The following TRIM10 variants were observed in gnomAD, a reference collection of about 807,000 sequenced individuals.
The protein encoded by TRIM10 is tripartite motif containing 10.
TRIM10 carries 42 observed loss-of-function variants against 40.0 expected under a neutral mutation model. The ratio of observed to expected loss-of-function variants is 1.05; its 90% CI spans 0.82 to 1.36. The LOEUF (loss-of-function observed/expected upper bound fraction) is 1.36. Among genes scored for constraint, TRIM10 ranks in the 40% most tolerant of loss-of-function variants. The pLI, the probability that TRIM10 is intolerant of heterozygous loss-of-function variation, is 0.00. For synonymous variants in TRIM10, 260 were observed against 239.5 expected (o/e 1.09, Z -0.79); for missense variants, 601 against 608.3 (o/e 0.99, Z 0.13).
At position 30,154,260 on chromosome 6, in the gene TRIM10, G is replaced by A. The variant is rs748006872; in HGVS notation, c.1155C>T (p.Ser385=). 11 of 1,612,794 alleles carry A rather than the reference G, an allele frequency of 6.8e-6. No homozygotes were observed. The highest frequency in any genetic ancestry group is 2.2e-5 in the East Asian group (1 of 44,886). ...HGGSCTVGVV[S]EDVQRKGELR... ...GCTCCCCCTTCCGCTGCACATCCTC[G>A]CTCACCACGCCCACGGTGCAGCTGC... Residue 385 remains serine, a synonymous_variant, in exon 7 of 7, where the codon AGC becomes AGT. Coordinates refer to ENST00000449742, the MANE Select transcript of TRIM10 (RefSeq NM_006778.4).
upstream of TRIM10, among the ~76,000 whole-genome samples, chr6:30,162,393 T>G (rs1773190010): frequency 6.7e-6 from 1 of 149,880 alleles, no homozygotes; most frequent in South Asian, 2.1e-4. Context: ...CAGTGCTCAG[T>G]AGACACATGT....
rs780802203 is a variant in TRIM10 at position 30,158,615 on chromosome 6, G to T, written c.540C>A (p.Thr180=). The change falls in exon 3 of 7, where the codon ACC becomes ACA. Residue 180 remains threonine, a synonymous_variant. Coordinates refer to ENST00000449742, the MANE Select transcript of TRIM10 (RefSeq NM_006778.4). The part of the protein sequence containing the change: ...RMQVLLTQVS[T]KRQQVISEFA... Reference sequence around the variant, plus strand: ...ACTCAGAAATCACCTGTTGTCTCTTGGTGGACACCTGAGTCTGAGGGGGCA... The same window carrying T: ...ACTCAGAAATCACCTGTTGTCTCTTTGTGGACACCTGAGTCTGAGGGGGCA... The T allele has an allele frequency of 8.7e-6, 14 of 1,612,904 alleles. No individual in the cohort carries two copies. The highest frequency in any genetic ancestry group is 1.3e-5 in the African/African-American group (1 of 74,900).
At chr6:30,163,572 T>TCTCTCTCTGTGTCTCTC (rs561051318), upstream of TRIM10, 1 of 1,281,442 alleles carries the variant, frequency 7.8e-7, no homozygotes, top group Non-Finnish European at 1.1e-6. Context: ...CTCTGTCTCT[T>TCTCTCTCTGTGTCTCTC]AGCCTTGCAG....
chr6:30,151,956 G>A lies in TRIM10; in HGVS notation c.*2013C>T, dbSNP rs185542680. On this transcript the variant is annotated 3_prime_UTR_variant, in exon 7 of 7. Coordinates refer to ENST00000449742, the MANE Select transcript of TRIM10 (RefSeq NM_006778.4). ...GACCAACATGAGTGTTTTCACTTAT[G>A]AGCAGTTTTATTTCTCAGTGTAAGA... 3.3e-5 allele frequency: 5 copies of A among 152,306 alleles called. No individual in the cohort carries two copies. Among genetic ancestry groups the A allele is most frequent in the East Asian group, 3.9e-4 (2 of 5,192 alleles). 9.4% of individuals were successfully genotyped at this position (152,306 alleles called of 1,614,324 possible).
chr6:30,157,135 G>T, intron 4 of TRIM10, 81 bp from the exon 5 acceptor site: 1 of 1,371,572 alleles, frequency 7.3e-7, no homozygotes, highest in Non-Finnish European at 1.0e-6. Context: ...CTTCTAATAG[G>T]GCATGATGGC....
At chr6:30,156,842 G>A in intron 5 of TRIM10, 97 bp downstream of exon 5, 1 of 1,081,720 alleles carries the variant, frequency 9.2e-7, no homozygotes, top group Non-Finnish European at 1.4e-6. Flanking sequence ...AATAAGGCTT[G>A]CCAAAGTCAC....
intron 5 of TRIM10, 192 bp downstream of exon 5, chr6:30,156,746 CT>C: frequency 1.4e-6 from 1 of 692,528 alleles, no homozygotes; most frequent in Non-Finnish European, 2.6e-6. Flanking sequence ...AAATATTCAC[CT>C]TTATTCTCTT....
Position 30,153,346 on chromosome 6 carries a change from C to A in TRIM10, c.*623G>T. 3.7e-6 allele frequency: 1 copy of A among 267,358 alleles called. No individual in the cohort carries two copies. Among genetic ancestry groups the A allele is most frequent in the Non-Finnish European group, 7.1e-6 (1 of 140,104 alleles). The allele number at this position is 267,358 out of a possible 1,614,324, so 16.6% of individuals were successfully genotyped here. On this transcript the variant is annotated 3_prime_UTR_variant, in exon 7 of 7. Coordinates refer to ENST00000449742, the MANE Select transcript of TRIM10 (RefSeq NM_006778.4). ...CTCTCCTTCCAGGCTGGGCTATGCC[C>A]CTTCCCCTGAACTCCCATAATGCTG...
At chr6:30,162,169 G>T (rs757804868), upstream of TRIM10, among the ~76,000 whole-genome samples, 1 of 151,808 alleles carries the variant, frequency 6.6e-6, no homozygotes. Flanking sequence ...CCAGCTACTC[G>T]GGAGGCTGAG....
chr6:30,161,136 C>T lies in TRIM10; in HGVS notation c.-278G>A, dbSNP rs1446157890. 6.6e-6 allele frequency among the ~76,000 whole-genome samples: 1 copy of T among 152,134 alleles called. No individual in the cohort carries two copies. The highest frequency in any genetic ancestry group is 1.5e-5 in the Non-Finnish European group (1 of 68,028). On this transcript the variant is annotated 5_prime_UTR_variant, in exon 1 of 7. It introduces an in-frame stop codon into an upstream open reading frame of the 5' UTR. Coordinates refer to ENST00000449742, the MANE Select transcript of TRIM10 (RefSeq NM_006778.4). ...TTAGATGACCATAACCAGGGGCTGG[C>T]CATTCCTTTCTGCCCATCCAGAGAC...
At position 30,154,270 on chromosome 6, in the gene TRIM10, C is replaced by A. The variant is rs1459363289; in HGVS notation, c.1145G>T (p.Gly382Val). The change falls in exon 7 of 7, where the codon GGC (glycine) becomes GTC (valine). Residue 382 changes from glycine (G) to valine (V), a missense_variant. Physicochemically the swap from Gly to Val is moderately radical, Grantham distance 109. Transcript: ENST00000449742. ...CCGCTGCACATCCTCGCTCACCACG[C>A]CCACGGTGCAGCTGCCCCCATGGGC... ...DLAHGGSCTVGVVSEDVQRKG... is the reference protein window; with the variant it reads ...DLAHGGSCTVVVVSEDVQRKG... The A allele has an allele frequency of 5.0e-6, 8 of 1,612,824 alleles. No homozygotes were observed. Among genetic ancestry groups the A allele is most frequent in the South Asian group, 4.4e-5 (4 of 91,078 alleles).
At position 30,158,433 on chromosome 6, in the gene TRIM10, T is replaced by C; in HGVS notation, c.722A>G (p.Glu241Gly). The change falls in exon 3 of 7, where the codon GAG (glutamate) becomes GGG (glycine). Residue 241 changes from glutamate (E) to glycine (G), a missense_variant. By Grantham distance (98) the Glu-to-Gly change is moderately conservative (BLOSUM62 -2). Coordinates refer to ENST00000449742, the MANE Select transcript of TRIM10 (RefSeq NM_006778.4). ...RFSALIEELE[E>G]KNERPARELL... The stretch of plus-strand genomic sequence containing the variant: ...CTCCCTTGCTGGCCTCTCATTCTTC[T>C]CCTCCAGTTCTTCAATAAGAGCACT... 1 of 1,613,000 alleles carries C rather than the reference T, an allele frequency of 6.2e-7. No individual in the cohort carries two copies. The highest frequency in any genetic ancestry group is 8.5e-7 in the Non-Finnish European group (1 of 1,180,010).
At chr6:30,162,705 CTTTGGAAAGTCACTTTACA>C (rs1773219311), upstream of TRIM10, among the ~76,000 whole-genome samples, 1 of 152,056 alleles carries the variant, frequency 6.6e-6, no homozygotes, top group Non-Finnish European at 1.5e-5. Flanking sequence ...GCTTTGTGAC[CTTTGGAAAGTCACTTTACA>C]TTTGGAAAGT....
upstream of TRIM10, among the ~76,000 whole-genome samples, chr6:30,161,466 T>C (rs1313121219): frequency 6.6e-6 from 1 of 152,164 alleles, no homozygotes; most frequent in Non-Finnish European, 1.5e-5. Flanking sequence ...ATATTCCCTA[T>C]GATGGGGAGG....
intron 1 of TRIM10, among the ~76,000 whole-genome samples, chr6:30,159,677 G>T (rs1772896234): frequency 6.6e-6 from 1 of 152,152 alleles, no homozygotes. Flanking sequence ...AATTATCTGT[G>T]TATGACTCCA....
upstream of TRIM10, among the ~76,000 whole-genome samples, chr6:30,162,975 T>A (rs989664786): frequency 2.5e-4 from 35 of 141,840 alleles, no homozygotes; most frequent in East Asian, 6.1e-4. Context: ...AATAAATAAA[T>A]AAAATAGTCC....
At chr6:30,162,879 A>G (rs1419650002), upstream of TRIM10, among the ~76,000 whole-genome samples, 1 of 152,054 alleles carries the variant, frequency 6.6e-6, no homozygotes, top group African/African-American at 2.4e-5. Flanking sequence ...TCTAATGTGT[A>G]TCAACATAAA....
In TRIM10 at chr6:30,154,068, G is replaced by A. The variant is rs376585749; in HGVS notation, c.1347C>T (p.Thr449=). The A allele has an allele frequency of 3.7e-6, 6 of 1,612,312 alleles. No individual in the cohort carries two copies. The highest frequency in any genetic ancestry group is 1.1e-5 in the South Asian group (1 of 91,032). Residue 449 remains threonine, a synonymous_variant, in exon 7 of 7, where the codon ACC becomes ACT. Coordinates refer to ENST00000449742, the MANE Select transcript of TRIM10 (RefSeq NM_006778.4). ...CAGTGAAGGTGTAGATGGGCTCTCG[G>A]GTGACAGCGTTGGTGAAGGTCACCC... is the stretch of plus-strand genomic sequence containing the variant. ...VGWVTFTNAV[T]REPIYTFTAS...
chr6:30,156,624 T>C (rs1772555101), intron 5 of TRIM10, among the ~76,000 whole-genome samples: 1 of 152,220 alleles, frequency 6.6e-6, no homozygotes, highest in Non-Finnish European at 1.5e-5. Flanking sequence ...TGCTGTGGGA[T>C]TTTTTAACTT....
Sources: gnomAD v4.1 joint callset for allele counts (sites outside exome capture counted in the v4.1 genomes callset) on GRCh38, gnomAD v4.1.1 for gene constraint, MANE v1.5 for transcripts, NCBI Gene and HGNC (gene_info 2026-07-23, HGNC 2026-07-21) for gene names.